DNAH12: variants seen among roughly 807,000 people sequenced by gnomAD.
The protein encoded by DNAH12 is axonemal beta dynein heavy chain 12.
A neutral mutation model predicts 371.5 loss-of-function variants in DNAH12; 285 were observed. That is an observed-to-expected ratio of 0.77 (90% confidence interval 0.70 to 0.85). The LOEUF (loss-of-function observed/expected upper bound fraction) is 0.85. Among genes scored for constraint, DNAH12 ranks in the 40% least tolerant of loss-of-function variants. The pLI, the probability that DNAH12 is intolerant of heterozygous loss-of-function variation, is 0.00. For synonymous variants in DNAH12, 1,200 were observed against 1,213.0 expected, an observed-to-expected ratio of 0.99 and a Z score of 0.22; for missense variants, 3,611 against 3,689.4, an observed-to-expected ratio of 0.98 and a Z score of 0.55.
intron 11 of DNAH12, 27 bp downstream of exon 11, chr3:57,501,294 A>G: frequency 6.4e-7 from 1 of 1,561,596 alleles, no homozygotes; most frequent in Non-Finnish European, 8.7e-7. Flanking sequence ...TTCAAAACGC[A>G]TTAATAAAAA....
chr3:57,432,185 T>TC (rs1553690094), intron 32 of DNAH12, among the ~76,000 whole-genome samples: 2 of 146,766 alleles, frequency 1.4e-5, no homozygotes, highest in Non-Finnish European at 1.5e-5. Context: ...TTTTTTTTTT[T>TC]CTGAGATGGA....
At chr3:57,455,361 C>T (rs1009443456) in intron 22 of DNAH12, among the ~76,000 whole-genome samples, 2 of 151,324 alleles carry the variant, frequency 1.3e-5, no homozygotes, top group African/African-American at 2.4e-5. Context: ...GTCAGGAGTT[C>T]GAGACCAGCC....
At position 57,385,431 on chromosome 3, in the gene DNAH12, T is replaced by C. The variant is rs1468767571; in HGVS notation, c.7603-2A>G. Reference sequence around the variant, plus strand: ...AAGCTCCATTTGCATTTCACCAACCTAAAGAGACAGTTTATAATATGATTA... The same window carrying C: ...AAGCTCCATTTGCATTTCACCAACCCAAAGAGACAGTTTATAATATGATTA... On this transcript the variant is annotated splice_acceptor_variant, in intron 47 of 73. Coordinates refer to ENST00000495027, the MANE Select transcript of DNAH12 (RefSeq NM_001366028.2). LOFTEE classifies it high-confidence loss of function. 2 of 152,236 alleles carry C rather than the reference T, an allele frequency of 1.3e-5. No homozygotes were observed. The highest frequency in any genetic ancestry group is 2.9e-5 in the Non-Finnish European group (2 of 68,034). The allele number at this position is 152,236 out of a possible 1,614,324, so 9.4% of individuals were successfully genotyped here.
rs781455624 is a variant in DNAH12 at position 57,323,562 on chromosome 3, G to T, written c.10036C>A (p.Pro3346Thr). The change falls in exon 63 of 74, where the codon CCT (proline) becomes ACT (threonine). Residue 3346 changes from proline to threonine, a missense_variant. By Grantham distance (38) the Pro-to-Thr change is conservative. Around this residue, in one of 3 missense-constraint regions of DNAH12, gnomAD observed 2,266 missense variants for 2,236.9 expected, o/e 1.01. Transcript: ENST00000495027. ...TDKLGKKFVE[P>T]PPFDLTKSYL... ...CTCTTTGTCAAATCAAATGGTGGAG[G>T]CTCTACAAACTTTTTCCCTAGTTTG... 1.3e-6 allele frequency: 2 copies of T among 1,550,384 alleles called. No homozygotes were observed. The highest frequency in any genetic ancestry group is 1.7e-6 in the Non-Finnish European group (2 of 1,146,632).
chr3:57,389,822 G>GTGTGTGTGTGTGTGTT (rs1326306277), intron 45 of DNAH12, among the ~76,000 whole-genome samples: 1 of 45,816 alleles, frequency 2.2e-5, no homozygotes, highest in Non-Finnish European at 7.1e-5. Flanking sequence ...GTGTGTGTGT[G>GTGTGTGTGTGTGTGTT]TATATATATA....
chr3:57,323,289 CTACT>C (rs1336332307), intron 63 of DNAH12, 29 bp from the exon 64 acceptor site: 3 of 1,540,250 alleles, frequency 1.9e-6, no homozygotes, highest in Admixed American at 4.0e-5. Context: ...AATGGTCACA[CTACT>C]TACTCTAAAA....
chr3:57,481,782 C>A (rs1349609739), intron 13 of DNAH12, among the ~76,000 whole-genome samples: 5 of 151,600 alleles, frequency 3.3e-5, no homozygotes, highest in Non-Finnish European at 7.4e-5. Context: ...CTACAACCAT[C>A]TGATCTTTGA....
chr3:57,442,814 T>C (rs2065349979), intron 29 of DNAH12, among the ~76,000 whole-genome samples: 1 of 152,186 alleles, frequency 6.6e-6, no homozygotes, highest in East Asian at 1.9e-4. Context: ...TATTTGAGCA[T>C]AAGAATTTAA....
At chr3:57,415,368 C>T in intron 38 of DNAH12, 58 bp downstream of exon 38, 1 of 1,522,766 alleles carries the variant, frequency 6.6e-7, no homozygotes, top group Non-Finnish European at 8.8e-7. Flanking sequence ...ATTTTAAACA[C>T]TGAGCAAATA....
intron 39 of DNAH12, among the ~76,000 whole-genome samples, chr3:57,409,588 T>C (rs558387708): frequency 6.6e-6 from 1 of 152,196 alleles, no homozygotes; most frequent in African/African-American, 2.4e-5. Flanking sequence ...TATCTCCTGA[T>C]AATCACTAAC....
chr3:57,472,464 G>T, intron 14 of DNAH12, 82 bp downstream of exon 14: 1 of 1,480,122 alleles, frequency 6.8e-7, no homozygotes, highest in South Asian at 1.3e-5. Flanking sequence ...AAAGTTAGAT[G>T]GCCAGGAGAT....
chr3:57,413,913 C>G lies in DNAH12; in HGVS notation c.5854-1G>C, dbSNP rs1553683843. 6.5e-7 allele frequency: 1 copy of G among 1,548,424 alleles called. No individual in the cohort carries two copies. Among genetic ancestry groups the G allele is most frequent in the East Asian group, 2.5e-5 (1 of 40,754 alleles). ...TATCCAATCTAGCCATGATAATGTTCTAAAATATGAAGGAAGAATGGTATA... is the reference window on the plus strand; with the variant it reads ...TATCCAATCTAGCCATGATAATGTTGTAAAATATGAAGGAAGAATGGTATA... On this transcript the variant is annotated splice_acceptor_variant, in intron 38 of 73. Coordinates refer to ENST00000495027, the MANE Select transcript of DNAH12 (RefSeq NM_001366028.2). LOFTEE classifies it high-confidence loss of function.
At chr3:57,341,736 G>A (rs1055796290) in intron 60 of DNAH12, among the ~76,000 whole-genome samples, 8 of 151,744 alleles carry the variant, frequency 5.3e-5, no homozygotes, top group Admixed American at 2.0e-4. Context: ...TACCAATGAT[G>A]TTCTTCACAG....
chr3:57,453,578 G>A (rs1406089617), intron 23 of DNAH12, among the ~76,000 whole-genome samples, 175 bp from the exon 24 acceptor site: 1 of 152,004 alleles, frequency 6.6e-6, no homozygotes, highest in East Asian at 1.9e-4. Flanking sequence ...GGTTAAGATG[G>A]GAGGATCTTC....
chr3:57,546,536 T>A (rs1279512825), upstream of DNAH12, among the ~76,000 whole-genome samples: 1 of 152,156 alleles, frequency 6.6e-6, no homozygotes, highest in Non-Finnish European at 1.5e-5. Context: ...TGGGACAGTG[T>A]CTTACTATGT....
chr3:57,445,169 C>T lies in DNAH12; in HGVS notation c.4425+5G>A, dbSNP rs1374301595. Reference sequence around the variant, plus strand: ...ACTTTCCCAATGTGTATATTTAATACTTACAAGTATATCTTCATTTTCATT... The same window carrying T: ...ACTTTCCCAATGTGTATATTTAATATTTACAAGTATATCTTCATTTTCATT... On this transcript the variant is annotated splice_donor_5th_base_variant and intron_variant, in intron 28 of 73. Coordinates refer to ENST00000495027, the MANE Select transcript of DNAH12 (RefSeq NM_001366028.2). 4 of 1,533,664 alleles carry T rather than the reference C, an allele frequency of 2.6e-6. No homozygotes were observed. Among genetic ancestry groups the T allele is most frequent in the Admixed American group, 2.1e-5 (1 of 48,566 alleles).
intron 70 of DNAH12, among the ~76,000 whole-genome samples, chr3:57,301,265 C>CAAAAAAAAAA: frequency 2.3e-5 from 1 of 43,000 alleles, no homozygotes; most frequent in Non-Finnish European, 4.0e-5. Flanking sequence ...GACCCTGTCT[C>CAAAAAAAAAA]AAAAAAAAAA....
intron 25 of DNAH12, among the ~76,000 whole-genome samples, chr3:57,450,600 C>T (rs7640218): frequency 0.54 from 81,558 of 152,018 alleles, 22,001 homozygotes; most frequent in South Asian, 0.63. Flanking sequence ...TGTTAGCCCC[C>T]ACCTTACAAG....
chr3:57,334,697 T>C, intron 61 of DNAH12, 85 bp downstream of exon 61: 1 of 1,504,754 alleles, frequency 6.6e-7, no homozygotes, highest in Admixed American at 2.4e-5. Flanking sequence ...CAGACAGCTA[T>C]TTAAAACCAT....
Sources: gnomAD v4.1 joint callset for allele counts (sites outside exome capture counted in the v4.1 genomes callset) on GRCh38, gnomAD v4.1.1 for gene constraint, gnomAD v4.1.1 regional missense constraint, MANE v1.5 for transcripts, NCBI Gene and HGNC (gene_info 2026-07-23, HGNC 2026-07-21) for gene names.